SLCO3A1: variants seen among roughly 807,000 people sequenced by gnomAD.
SLCO3A1 encodes the protein PGE1 transporter.
Under a neutral mutation model 63.1 loss-of-function variants are expected in SLCO3A1, and 27 were observed. The ratio of observed to expected loss-of-function variants is 0.43; its 90% CI spans 0.32 to 0.59. The LOEUF is 0.59. Ranked by LOEUF, SLCO3A1 falls within the 20% of genes least tolerant of loss-of-function variation. SLCO3A1 has a pLI of 0.09. For missense variants in SLCO3A1, 773 were observed against 945.8 expected, an observed-to-expected ratio of 0.82 and a Z score of 2.40; for synonymous variants, 473 against 409.9, an observed-to-expected ratio of 1.15 and a Z score of -1.86.
At chr15:92,135,559 T>C (rs1428398246) in intron 7 of SLCO3A1, among the ~76,000 whole-genome samples, 2 of 152,212 alleles carry the variant, frequency 1.3e-5, no homozygotes, top group East Asian at 3.9e-4. Flanking sequence ...CTGAGGGTTA[T>C]GTCTGGAAAT....
intron 7 of SLCO3A1, among the ~76,000 whole-genome samples, chr15:92,129,274 T>A (rs758179667): frequency 9.9e-5 from 15 of 152,150 alleles, no homozygotes; most frequent in Non-Finnish European, 2.2e-4. Flanking sequence ...AAATGACCCT[T>A]TCTCATGCTA....
At position 92,156,256 on chromosome 15, in the gene SLCO3A1, G is replaced by A. The variant is rs926365513; in HGVS notation, c.1753+5242G>A. 2.1e-4 allele frequency among the ~76,000 whole-genome samples: 32 copies of A among 152,150 alleles called. 1 individual carries two copies. Among genetic ancestry groups the A allele is most frequent in the Non-Finnish European group, 4.4e-5 (3 of 68,010 alleles). ...ATGAGAGGGAGTGAGATACGGCGGT[G>A]GGATGCATGGAAGACCCCTTCCACT... On this transcript the variant is annotated intron_variant, in intron 9 of 9. Transcript: ENST00000318445.
intron 3 of SLCO3A1, among the ~76,000 whole-genome samples, chr15:92,102,410 C>A (rs1292870095): frequency 1.3e-5 from 2 of 152,102 alleles, no homozygotes; most frequent in East Asian, 1.9e-4. Flanking sequence ...AGATCTCTCT[C>A]TATACAAAGA....
chr15:92,020,269 TATCC>T (rs992430801), intron 2 of SLCO3A1, among the ~76,000 whole-genome samples: 7 of 152,246 alleles, frequency 4.6e-5, no homozygotes, highest in East Asian at 1.9e-4. Context: ...ATCTGTACTC[TATCC>T]ATCCATCCAT....
intron 2 of SLCO3A1, among the ~76,000 whole-genome samples, chr15:91,939,816 G>GGT (rs1899555435): frequency 6.6e-6 from 1 of 152,142 alleles, no homozygotes; most frequent in South Asian, 2.1e-4. Context: ...TAGCTCACAG[G>GGT]GTGCTGCTTC....
intron 9 of SLCO3A1, chr15:92,151,230 T>C (rs190424516): frequency 2.1e-6 from 1 of 480,270 alleles, no homozygotes; most frequent in Non-Finnish European, 3.6e-6. Context: ...CCAACTCTTA[T>C]CTTCACGCCA....
intron 2 of SLCO3A1, among the ~76,000 whole-genome samples, chr15:91,979,850 A>G (rs1462126947): frequency 6.6e-6 from 1 of 152,174 alleles, no homozygotes; most frequent in Non-Finnish European, 1.5e-5. Flanking sequence ...GTTATTAGTA[A>G]TTTCTTAGGG....
intron 2 of SLCO3A1, among the ~76,000 whole-genome samples, chr15:91,936,031 G>C (rs1448936641): frequency 6.6e-6 from 1 of 152,154 alleles, no homozygotes; most frequent in Non-Finnish European, 1.5e-5. Context: ...AGTGACTGAG[G>C]GTGAGGGCTC....
At chr15:92,154,054 G>C (rs991791374) in intron 9 of SLCO3A1, among the ~76,000 whole-genome samples, 2 of 152,242 alleles carry the variant, frequency 1.3e-5, no homozygotes, top group African/African-American at 4.8e-5. Flanking sequence ...GTGTATTTTA[G>C]AAAGGGCTTG....
chr15:91,930,140 C>A (rs1181278285), intron 2 of SLCO3A1, among the ~76,000 whole-genome samples: 1 of 152,068 alleles, frequency 6.6e-6, no homozygotes, highest in Non-Finnish European at 1.5e-5. Context: ...CTTGTCCTCC[C>A]CTCTCTCTTC....
rs957625388 is a variant in SLCO3A1 at position 92,009,725 on chromosome 15, A to G, written c.647-85156A>G. ...GCATGGACAGAACTTACCTCCTTCT[A>G]AAAGCTTCCTTAATGTTAGCTACTA... is the stretch of plus-strand genomic sequence containing the variant. On this transcript the variant is annotated intron_variant, in intron 2 of 9. Transcript: ENST00000318445. 5.3e-5 allele frequency among the ~76,000 whole-genome samples: 8 copies of G among 152,232 alleles called. 1 individual carries two copies. The highest frequency in any genetic ancestry group is 5.2e-4 in the Admixed American group (8 of 15,286).
intron 2 of SLCO3A1, among the ~76,000 whole-genome samples, chr15:91,996,633 G>A (rs1342164209): frequency 6.6e-6 from 1 of 152,066 alleles, no homozygotes; most frequent in Non-Finnish European, 1.5e-5. Flanking sequence ...TGTGGTATTG[G>A]CACAGGGATA....
intron 2 of SLCO3A1, among the ~76,000 whole-genome samples, chr15:92,044,364 T>G (rs2046835073): frequency 1.3e-5 from 2 of 152,192 alleles, no homozygotes; most frequent in South Asian, 4.1e-4. Flanking sequence ...AGGCCCCAAC[T>G]GCAGGCATAT....
At chr15:92,068,141 C>T (rs907539733) in intron 2 of SLCO3A1, among the ~76,000 whole-genome samples, 3 of 152,190 alleles carry the variant, frequency 2.0e-5, no homozygotes, top group African/African-American at 7.2e-5. Flanking sequence ...CAGGCTACCT[C>T]CTAATAATAC....
At position 92,163,832 on chromosome 15, in the gene SLCO3A1, G is replaced by A. The variant is rs2048470440; in HGVS notation, c.*697G>A. On this transcript the variant is annotated 3_prime_UTR_variant, in exon 10 of 10. Coordinates refer to ENST00000318445, the MANE Select transcript of SLCO3A1 (RefSeq NM_013272.4). ...CACCTCTCACCAGCTCCATTTCCAT[G>A]TTCAAGACTGAGGGCCTGAGGGGGA... 2 of 985,496 alleles carry A rather than the reference G, an allele frequency of 2.0e-6. No homozygotes were observed. Among genetic ancestry groups the A allele is most frequent in the Non-Finnish European group, 2.4e-6 (2 of 830,090 alleles). 61.0% of individuals were successfully genotyped at this position (985,496 alleles called of 1,614,324 possible).
chr15:92,103,818 C>A (rs543930861), intron 3 of SLCO3A1, among the ~76,000 whole-genome samples: 17 of 152,028 alleles, frequency 1.1e-4, no homozygotes, highest in African/African-American at 4.1e-4. Context: ...GTGCGCCTCC[C>A]CTTATGAGCT....
intron 2 of SLCO3A1, among the ~76,000 whole-genome samples, chr15:91,983,271 T>G (rs1567050855): frequency 6.6e-6 from 1 of 152,370 alleles, no homozygotes; most frequent in East Asian, 1.9e-4. Flanking sequence ...CTGTTCCAAT[T>G]AAGAATTTTA....
In SLCO3A1 at chr15:91,947,921, T is replaced by C. The variant is rs149168974; in HGVS notation, c.646+31463T>C. Among the ~76,000 whole-genome samples, 637 of 152,290 alleles carry C rather than the reference T, an allele frequency of 4.2e-3. 6 individuals are homozygous for C. The highest frequency in any genetic ancestry group is 0.015 in the African/African-American group (614 of 41,556). On this transcript the variant is annotated intron_variant, in intron 2 of 9. Coordinates refer to ENST00000318445, the MANE Select transcript of SLCO3A1 (RefSeq NM_013272.4). Reference sequence around the variant, plus strand: ...CACACAGCTGCTGGCAATTCCCCTTTGGCCCCCGTGCAGGTGACCGAAAGT... The same window carrying C: ...CACACAGCTGCTGGCAATTCCCCTTCGGCCCCCGTGCAGGTGACCGAAAGT...
At chr15:91,880,226 A>G (rs74028347) in intron 1 of SLCO3A1, among the ~76,000 whole-genome samples, 6,049 of 151,272 alleles carry the variant, frequency 0.04, 280 homozygotes, top group African/African-American at 0.12. Flanking sequence ...ATTCACATGC[A>G]ATTGTAAGAA....
Sources: gnomAD v4.1 joint callset for allele counts (sites outside exome capture counted in the v4.1 genomes callset) on GRCh38, gnomAD v4.1.1 for gene constraint, MANE v1.5 for transcripts, NCBI Gene and HGNC (gene_info 2026-07-23, HGNC 2026-07-21) for gene names.